Variants in MTUS2 observed in about 807,000 individuals in gnomAD.
MTUS2 encodes the protein microtubule associated scaffold protein 2.
Under a neutral mutation model 114.1 loss-of-function variants are expected in MTUS2, and 40 were observed. The ratio of observed to expected loss-of-function variants is 0.35; its 90% confidence interval spans 0.27 to 0.46. The LOEUF (loss-of-function observed/expected upper bound fraction) is 0.46, where lower values mean the gene tolerates loss of function less well. Among genes scored for constraint, MTUS2 ranks in the 20% least tolerant of loss-of-function variants. The pLI is 1.00. For synonymous variants in MTUS2, 688 were observed against 672.0 expected (o/e 1.02, Z -0.37); for missense variants, 1,679 against 1,705.4 (o/e 0.98, Z 0.27).
At chr13:29,268,957 C>T (rs1231145827) in intron 5 of MTUS2, among the ~76,000 whole-genome samples, 1 of 152,116 alleles carries the variant, frequency 6.6e-6, no homozygotes, top group Non-Finnish European at 1.5e-5. Flanking sequence ...GTCTCAAACT[C>T]CTGGCTCCAA....
chr13:29,439,821 C>G (rs753131451), intron 8 of MTUS2, among the ~76,000 whole-genome samples, 162 bp from the exon 9 acceptor site: 13 of 152,142 alleles, frequency 8.5e-5, no homozygotes, highest in Non-Finnish European at 1.6e-4. Context: ...ATGAGTCAGA[C>G]TTGACTTTGT....
chr13:28,936,458 A>G (rs1881903413), intron 2 of MTUS2, among the ~76,000 whole-genome samples: 1 of 152,112 alleles, frequency 6.6e-6, no homozygotes, highest in South Asian at 2.1e-4. Flanking sequence ...GCTCACAGCT[A>G]AGGCAGCGGT....
intron 2 of MTUS2, among the ~76,000 whole-genome samples, chr13:28,944,066 A>G (rs549399015): frequency 6.6e-6 from 1 of 152,268 alleles, no homozygotes; most frequent in East Asian, 1.9e-4. Context: ...TTCTAAGCAT[A>G]GAAGATGTTA....
rs567156930 is a variant in MTUS2, at chr13:28,913,067, ATTTGACTTCCTGTCTCCCTG to A, written c.-243+73223_-243+73242del. Reference sequence around the variant, plus strand: ...ATGATGTCATTTGCAAACAAAGATAATTTGACTTCCTGTCTCCCTGTTTGAATACCCTTTATTTCTTTATC... The same window carrying A: ...ATGATGTCATTTGCAAACAAAGATAATTTGAATACCCTTTATTTCTTTATC... On this transcript the variant is annotated intron_variant, in intron 2 of 15. Transcript: ENST00000612955. 1.8e-3 allele frequency among the ~76,000 whole-genome samples: 272 copies of A among 152,210 alleles called. 2 individuals are homozygous for A. Among genetic ancestry groups the A allele is most frequent in the African/African-American group, 6.3e-3 (262 of 41,548 alleles).
At chr13:29,115,818 T>C (rs1891064085) in intron 5 of MTUS2, among the ~76,000 whole-genome samples, 1 of 152,184 alleles carries the variant, frequency 6.6e-6, no homozygotes, top group Non-Finnish European at 1.5e-5. Context: ...AGGTTCTTCA[T>C]CAGTAAAAGG....
chr13:28,825,781 A>G (rs1874228134), intron 1 of MTUS2, among the ~76,000 whole-genome samples: 1 of 152,172 alleles, frequency 6.6e-6, no homozygotes, highest in Admixed American at 6.5e-5. Flanking sequence ...TAAACTCTCA[A>G]CAACCAAAAC....
intron 9 of MTUS2, among the ~76,000 whole-genome samples, chr13:29,473,838 A>G (rs1178021048): frequency 4.2e-5 from 6 of 142,936 alleles, no homozygotes; most frequent in African/African-American, 1.5e-4. Flanking sequence ...CTTTCACTCT[A>G]AAGGATTAAA....
At chr13:29,182,433 C>A (rs541033544) in intron 5 of MTUS2, among the ~76,000 whole-genome samples, 17 of 152,336 alleles carry the variant, frequency 1.1e-4, no homozygotes, top group Non-Finnish European at 2.2e-4. Flanking sequence ...AGTAAAACTG[C>A]GTTGCATTAC....
intron 2 of MTUS2, among the ~76,000 whole-genome samples, chr13:29,017,279 TA>T: frequency 6.6e-6 from 1 of 152,324 alleles, no homozygotes; most frequent in Non-Finnish European, 1.5e-5. Flanking sequence ...TTCTGTATCC[TA>T]AAGTTCTACA....
chr13:29,039,278 C>A (rs1023706500), intron 4 of MTUS2, among the ~76,000 whole-genome samples: 1 of 152,224 alleles, frequency 6.6e-6, no homozygotes, highest in Non-Finnish European at 1.5e-5. Context: ...GTGGTAGGGA[C>A]CTTCCCTTAG....
intron 2 of MTUS2, among the ~76,000 whole-genome samples, chr13:28,883,543 T>C (rs1878417952): frequency 6.6e-6 from 1 of 152,090 alleles, no homozygotes; most frequent in Non-Finnish European, 1.5e-5. Context: ...AAAAAGCCAA[T>C]ATAAAAAGGT....
At chr13:29,441,557 A>ATGTGG (rs56352937) in intron 9 of MTUS2, among the ~76,000 whole-genome samples, 2 of 151,404 alleles carry the variant, frequency 1.3e-5, no homozygotes, top group African/African-American at 2.4e-5. Flanking sequence ...CAATGTGGCC[A>ATGTGG]CGCCTCATGA....
chr13:28,850,042 G>T (rs1397235479), intron 2 of MTUS2, among the ~76,000 whole-genome samples: 1 of 152,236 alleles, frequency 6.6e-6, no homozygotes, highest in South Asian at 2.1e-4. Context: ...TTTCATGGTT[G>T]GTGGAACAGG....
intron 1 of MTUS2, among the ~76,000 whole-genome samples, chr13:28,836,589 C>G (rs1012171088): frequency 6.6e-6 from 1 of 152,140 alleles, no homozygotes; most frequent in Non-Finnish European, 1.5e-5. Flanking sequence ...TCAGTTCTAT[C>G]TGGGAAAGAG....
intron 5 of MTUS2, among the ~76,000 whole-genome samples, chr13:29,264,279 GGT>G (rs1897586071): frequency 6.6e-6 from 1 of 152,238 alleles, no homozygotes; most frequent in South Asian, 2.1e-4. Context: ...CAAGGCCTTA[GGT>G]AGCTCCCCCA....
At chr13:29,247,195 G>C (rs1466262707) in intron 5 of MTUS2, among the ~76,000 whole-genome samples, 3 of 152,202 alleles carry the variant, frequency 2.0e-5, no homozygotes, top group Non-Finnish European at 4.4e-5. Context: ...ATGAGGCTGG[G>C]ATAATTGGCA....
intron 13 of MTUS2, 134 bp from the exon 14 acceptor site, chr13:29,498,284 T>C: frequency 1.6e-6 from 2 of 1,264,786 alleles, no homozygotes; most frequent in Non-Finnish European, 1.1e-6. Flanking sequence ...GTGAGCATCC[T>C]CTCTCTTTGG....
intron 2 of MTUS2, among the ~76,000 whole-genome samples, chr13:28,910,268 G>A (rs912283039): frequency 3.3e-5 from 5 of 152,040 alleles, no homozygotes; most frequent in African/African-American, 4.8e-5. Context: ...ACAAATAAGC[G>A]AGAACATGTG....
intron 5 of MTUS2, among the ~76,000 whole-genome samples, chr13:29,177,457 G>C (rs867046944): frequency 4.1e-5 from 6 of 145,576 alleles, no homozygotes; most frequent in African/African-American, 1.4e-4. Context: ...ACCTGTGAAA[G>C]TTGTAAGGAA....
Sources: allele counts gnomAD v4.1 joint callset (sites outside exome capture counted in the v4.1 genomes callset), GRCh38; gene constraint gnomAD v4.1.1; transcripts MANE v1.5; gene names NCBI Gene and HGNC (gene_info 2026-07-23, HGNC 2026-07-21).